The following HS1BP3 variants were observed in gnomAD, a reference collection of about 807,000 sequenced individuals.
HS1BP3 encodes the protein HCLS1-binding protein 3.
In HS1BP3, 32 loss-of-function variants were observed where a neutral mutation model predicts 33.5. The ratio of observed to expected loss-of-function variants is 0.95; its 90% CI spans 0.72 to 1.28. The LOEUF is 1.28. Ranked by LOEUF, HS1BP3 falls within the 50% of genes most tolerant of loss-of-function variation. HS1BP3 has a pLI of 0.00. For missense variants in HS1BP3, 486 were observed against 502.3 expected (o/e 0.97, Z 0.31); for synonymous variants, 187 against 209.2 (o/e 0.89, Z 0.92).
chr2:20,573,513 T>G (rs149781337), intron 5 of HS1BP3, among the ~76,000 whole-genome samples: 5 of 152,336 alleles, frequency 3.3e-5, no homozygotes, highest in African/African-American at 1.2e-4. Flanking sequence ...GTTGTCATTT[T>G]GTAGACTGAA....
the HS1BP3 span, among the ~76,000 whole-genome samples, chr2:20,554,706 CA>C: frequency 4.5e-3 from 466 of 104,484 alleles, no homozygotes; most frequent in Middle Eastern, 0.041. Context: ...CTCCACCTCA[CA>C]AAAAAAAAAA....
chr2:20,609,933 G>C (rs1694282677), intron 2 of HS1BP3, among the ~76,000 whole-genome samples: 1 of 152,218 alleles, frequency 6.6e-6, no homozygotes, highest in Admixed American at 6.5e-5. Context: ...AGGTACCCTG[G>C]GGACTGTGGG....
At chr2:20,629,321 C>T (rs1255490704) in intron 4 of HS1BP3, among the ~76,000 whole-genome samples, 2 of 152,232 alleles carry the variant, frequency 1.3e-5, no homozygotes, top group Non-Finnish European at 2.9e-5. Context: ...CCTCCTCCTC[C>T]ATTCCTATAT....
intron 5 of HS1BP3, among the ~76,000 whole-genome samples, chr2:20,583,761 G>A (rs7574289): frequency 0.039 from 5,973 of 152,236 alleles, 371 homozygotes; most frequent in African/African-American, 0.13. Context: ...AGCCCTCAGA[G>A]GAGCCTCTCA....
downstream of HS1BP3, chr2:20,592,412 C>T (rs1390608278): frequency 6.0e-6 from 1 of 166,600 alleles, no homozygotes; most frequent in Non-Finnish European, 1.5e-5. Flanking sequence ...CAGTTCTAGC[C>T]TTCACTCACC....
chr2:20,609,202 G>T (rs1448095345), intron 2 of HS1BP3, among the ~76,000 whole-genome samples: 1 of 152,214 alleles, frequency 6.6e-6, no homozygotes, highest in African/African-American at 2.4e-5. Flanking sequence ...GCTGCATCAG[G>T]ATCCTGGCCT....
intron 2 of HS1BP3, among the ~76,000 whole-genome samples, chr2:20,612,801 T>G (rs1042683062): frequency 2.6e-5 from 4 of 152,210 alleles, no homozygotes; most frequent in African/African-American, 7.2e-5. Context: ...ACTGGACATA[T>G]ATTTCTCTTT....
downstream of HS1BP3, among the ~76,000 whole-genome samples, chr2:20,614,860 C>T (rs541971158): frequency 2.6e-5 from 4 of 152,354 alleles, no homozygotes; most frequent in East Asian, 1.9e-4. Flanking sequence ...GAGCATGACC[C>T]GACACATGAA....
intron 4 of HS1BP3, among the ~76,000 whole-genome samples, chr2:20,632,302 G>A (rs929700729): frequency 1.6e-4 from 24 of 152,340 alleles, no homozygotes; most frequent in Non-Finnish European, 3.5e-4. Flanking sequence ...TCACATGGGC[G>A]CTCCTATGCC....
intron 5 of HS1BP3, among the ~76,000 whole-genome samples, chr2:20,571,644 C>T (rs540230935): frequency 3.1e-3 from 467 of 152,310 alleles, no homozygotes; most frequent in African/African-American, 0.011. Flanking sequence ...ACTGCTCACT[C>T]CCTCCAGCCT....
chr2:20,610,532 T>C (rs1270178808), intron 2 of HS1BP3, among the ~76,000 whole-genome samples: 1 of 152,246 alleles, frequency 6.6e-6, no homozygotes, highest in Non-Finnish European at 1.5e-5. Flanking sequence ...CCATATCTTT[T>C]CATGGCTCGA....
intron 2 of HS1BP3, among the ~76,000 whole-genome samples, chr2:20,644,372 C>T (rs1421228716): frequency 3.9e-5 from 6 of 152,310 alleles, no homozygotes; most frequent in Non-Finnish European, 8.8e-5. Flanking sequence ...CCTTCCACTT[C>T]TGTTCTCTGG....
intron 5 of HS1BP3, among the ~76,000 whole-genome samples, chr2:20,580,814 C>T (rs757270870): frequency 9.9e-5 from 15 of 152,282 alleles, no homozygotes; most frequent in South Asian, 4.2e-4. Flanking sequence ...GAAGTAAACA[C>T]CCAGGCAGAC....
downstream of HS1BP3, among the ~76,000 whole-genome samples, chr2:20,615,617 C>T (rs1241050486): frequency 6.6e-6 from 1 of 152,210 alleles, no homozygotes; most frequent in South Asian, 2.1e-4. Context: ...ATGCTGGTAG[C>T]TCTGTTACCC....
At chr2:20,558,999 G>C (rs62124182), downstream of HS1BP3, among the ~76,000 whole-genome samples, 1 of 152,140 alleles carries the variant, frequency 6.6e-6, no homozygotes, top group Non-Finnish European at 1.5e-5. Context: ...TGGGCTGGCC[G>C]CAGAGCAGGG....
In HS1BP3 at chr2:20,618,808, A is replaced by G; in HGVS notation, c.*179T>C. The G allele has an allele frequency of 2.8e-6, 4 of 1,415,000 alleles. No individual in the cohort carries two copies. Among genetic ancestry groups the G allele is most frequent in the Non-Finnish European group, 3.7e-6 (4 of 1,089,372 alleles). 87.7% of individuals were successfully genotyped at this position (1,415,000 alleles called of 1,614,324 possible). On this transcript the variant is annotated 3_prime_UTR_variant, in exon 7 of 7. Transcript: ENST00000304031. Reference sequence around the variant, plus strand: ...CCGCTCCCGCAGCCCGCAGGCTTCTACTTTGGCCCCACAGCCCCGGAGAAA... The same window carrying G: ...CCGCTCCCGCAGCCCGCAGGCTTCTGCTTTGGCCCCACAGCCCCGGAGAAA...
At chr2:20,648,290 C>T (rs974269079) in intron 1 of HS1BP3, among the ~76,000 whole-genome samples, 5 of 152,330 alleles carry the variant, frequency 3.3e-5, no homozygotes, top group South Asian at 2.1e-4. Flanking sequence ...CAGAGGGCCC[C>T]ATATTCATGG....
chr2:20,600,392 A>T (rs945210811), intron 2 of HS1BP3, among the ~76,000 whole-genome samples: 15 of 152,186 alleles, frequency 9.9e-5, no homozygotes, highest in African/African-American at 3.6e-4. Flanking sequence ...CCATTATTAC[A>T]AGTCGCAACG....
Position 20,618,740 on chromosome 2 carries a change from A to C in HS1BP3, c.*247T>G. ...CACACCCTCCCTCCCCTTCATGTCC[A>C]CGGGGAATAAGACACATTGGGCTCT... On this transcript the variant is annotated 3_prime_UTR_variant, in exon 7 of 7. Coordinates refer to ENST00000304031, the MANE Select transcript of HS1BP3 (RefSeq NM_022460.4). The C allele has an allele frequency of 3.9e-6, 5 of 1,294,498 alleles. No homozygotes were observed. Among genetic ancestry groups the C allele is most frequent in the South Asian group, 4.9e-5 (2 of 40,894 alleles). The allele number at this position is 1,294,498 out of a possible 1,614,324, so 80.2% of individuals were successfully genotyped here.
Sources: gnomAD v4.1 joint callset for allele counts (sites outside exome capture counted in the v4.1 genomes callset) on GRCh38, gnomAD v4.1.1 for gene constraint, MANE v1.5 for transcripts, NCBI Gene and HGNC (gene_info 2026-07-23, HGNC 2026-07-21) for gene names.